The following SERPINB12 variants were observed in gnomAD, a reference collection of about 807,000 sequenced individuals.
The protein encoded by SERPINB12 is serpin family B member 12.
A neutral mutation model predicts 41.1 loss-of-function variants in SERPINB12; 57 were observed. That is an observed-to-expected ratio of 1.39 (90% CI 1.12 to 1.73). SERPINB12 has a LOEUF of 1.73. Among genes scored for constraint, SERPINB12 ranks in the 40% most tolerant of loss-of-function variants. The pLI is 0.00. For synonymous variants in SERPINB12, 180 were observed against 181.3 expected (o/e 0.99, Z 0.06); for missense variants, 536 against 501.9 (o/e 1.07, Z -0.65).
At position 63,567,563 on chromosome 18, in the gene SERPINB12, C is replaced by T. The variant is rs144314937; in HGVS notation, c.*552C>T. ...GAAGATGTCCTGTGAGGTCTTTTCA[C>T]CTAGGACAAGGCAGGGCTTGGGCGT... On this transcript the variant is annotated 3_prime_UTR_variant, in exon 8 of 8. Coordinates refer to ENST00000382768, the MANE Select transcript of SERPINB12 (RefSeq NM_001307928.2). 4.4e-3 allele frequency among the ~76,000 whole-genome samples: 665 copies of T among 152,284 alleles called. 5 individuals carry two copies. The highest frequency in any genetic ancestry group is 0.015 in the African/African-American group (637 of 41,558).
the SERPINB12 span, among the ~76,000 whole-genome samples, chr18:63,524,123 CT>C: frequency 7.4e-5 from 11 of 148,744 alleles, no homozygotes; most frequent in Admixed American, 1.3e-4. Flanking sequence ...AAAAGAAAAA[CT>C]TTTTTTTTTG....
chr18:63,528,100 A>G, the SERPINB12 span, among the ~76,000 whole-genome samples: 1 of 151,674 alleles, frequency 6.6e-6, no homozygotes, highest in African/African-American at 2.4e-5. Context: ...AGTCTATTAA[A>G]CCTCTTTTTC....
the SERPINB12 span, among the ~76,000 whole-genome samples, chr18:63,525,633 CAT>C: frequency 6.2e-3 from 951 of 152,202 alleles, 2 homozygotes; most frequent in Non-Finnish European, 9.5e-3. Flanking sequence ...ATTACTTTAA[CAT>C]TTCAAATTAC....
At chr18:63,520,017 C>T in the SERPINB12 span, among the ~76,000 whole-genome samples, 2 of 152,136 alleles carry the variant, frequency 1.3e-5, no homozygotes, top group Non-Finnish European at 2.9e-5. Flanking sequence ...ACAGGTACCC[C>T]ATGTGAAACG....
At chr18:63,540,037 T>A (rs1910243836), upstream of SERPINB12, among the ~76,000 whole-genome samples, 1 of 152,136 alleles carries the variant, frequency 6.6e-6, no homozygotes, top group African/African-American at 2.4e-5. Flanking sequence ...CTAAGAATAC[T>A]GAGAAAATTA....
the SERPINB12 span, among the ~76,000 whole-genome samples, chr18:63,532,357 GT>G: frequency 6.6e-6 from 1 of 152,164 alleles, no homozygotes; most frequent in African/African-American, 2.4e-5. Context: ...GGCCACGTAG[GT>G]TATAGTAAGT....
the SERPINB12 span, among the ~76,000 whole-genome samples, chr18:63,530,913 C>G: frequency 6.6e-6 from 1 of 152,176 alleles, no homozygotes; most frequent in South Asian, 2.1e-4. Context: ...TAATAAACAC[C>G]TACTGACCAG....
At chr18:63,558,603 C>A in intron 3 of SERPINB12, 117 bp downstream of exon 3, 10 of 1,087,786 alleles carry the variant, frequency 9.2e-6, no homozygotes, top group Non-Finnish European at 1.3e-5. Flanking sequence ...ATACCATCAA[C>A]AGCAATAACC....
intron 1 of SERPINB12, among the ~76,000 whole-genome samples, chr18:63,554,936 A>G (rs1910627109): frequency 6.6e-6 from 1 of 152,120 alleles, no homozygotes; most frequent in South Asian, 2.1e-4. Context: ...TGATGGTTTT[A>G]TAAGTGTTTG....
chr18:63,552,353 ATTAATC>A (rs1282746695), intron 1 of SERPINB12, among the ~76,000 whole-genome samples: 1 of 152,224 alleles, frequency 6.6e-6, no homozygotes, highest in Non-Finnish European at 1.5e-5. Context: ...GAACAAGACA[ATTAATC>A]TTAAATTTCT....
chr18:63,565,381 G>T (rs1911060732), intron 6 of SERPINB12, 64 bp from the exon 7 acceptor site: 1 of 1,470,894 alleles, frequency 6.8e-7, no homozygotes, highest in South Asian at 1.3e-5. Context: ...CCGTGAAGCT[G>T]GGGCCATATG....
chr18:63,566,713 G>A lies in SERPINB12; in HGVS notation c.980G>A (p.Ser327Asn). The A allele has an allele frequency of 1.9e-5, 31 of 1,614,196 alleles. No individual in the cohort carries two copies. Among genetic ancestry groups the A allele is most frequent in the Non-Finnish European group, 2.5e-5 (30 of 1,180,026 alleles). ...TTCCCCCGGTTCACCCTGGAAGACAGCTATGATCTCAATTCCATTTTACAA... is the reference window on the plus strand; with the variant it reads ...TTCCCCCGGTTCACCCTGGAAGACAACTATGATCTCAATTCCATTTTACAA... ...LSFPRFTLEDSYDLNSILQDM... is the reference protein window; with the variant it reads ...LSFPRFTLEDNYDLNSILQDM... Residue 327 changes from serine (S) to asparagine (N), a missense_variant, in exon 8 of 8, where the codon AGC becomes AAC. Coordinates refer to ENST00000382768, the MANE Select transcript of SERPINB12 (RefSeq NM_001307928.2).
At chr18:63,529,983 A>G in the SERPINB12 span, among the ~76,000 whole-genome samples, 3 of 152,198 alleles carry the variant, frequency 2.0e-5, no homozygotes, top group African/African-American at 4.8e-5. Flanking sequence ...AATCATTGTG[A>G]TTACTAGAAT....
chr18:63,556,963 A>G (rs1196310516), intron 2 of SERPINB12, among the ~76,000 whole-genome samples: 1 of 152,194 alleles, frequency 6.6e-6, no homozygotes, highest in Non-Finnish European at 1.5e-5. Flanking sequence ...ACAGCAGTCC[A>G]AGAGACCCTT....
At chr18:63,555,525 C>A (rs1910644637) in intron 1 of SERPINB12, among the ~76,000 whole-genome samples, 1 of 152,168 alleles carries the variant, frequency 6.6e-6, no homozygotes, top group African/African-American at 2.4e-5. Context: ...AAGTCCTAAT[C>A]CTTCTACCTG....
At chr18:63,565,661 T>C in intron 7 of SERPINB12, 49 bp downstream of exon 7, 1 of 1,534,518 alleles carries the variant, frequency 6.5e-7, no homozygotes, top group Non-Finnish European at 8.9e-7. Context: ...GATAGATCTT[T>C]AGAGAACAAC....
upstream of SERPINB12, among the ~76,000 whole-genome samples, chr18:63,539,423 CA>C (rs1910232341): frequency 1.3e-5 from 2 of 152,172 alleles, no homozygotes; most frequent in African/African-American, 4.8e-5. Context: ...GGAGGTGCTG[CA>C]TGTCCCAGTG....
intron 5 of SERPINB12, 138 bp from the exon 6 acceptor site, chr18:63,563,840 G>C (rs1910995950): frequency 1.4e-6 from 1 of 712,450 alleles, no homozygotes; most frequent in Non-Finnish European, 2.2e-6. Context: ...AGGTTGCAGT[G>C]AGCAGGGATC....
chr18:63,533,905 A>ATAGT, the SERPINB12 span, among the ~76,000 whole-genome samples: 119,280 of 151,560 alleles, frequency 0.79, 47,010 homozygotes, highest in Non-Finnish European at 0.82. Context: ...AGAAATAGGC[A>ATAGT]TAAAGAGAAT....
Sources: allele counts gnomAD v4.1 joint callset (sites outside exome capture counted in the v4.1 genomes callset), GRCh38; gene constraint gnomAD v4.1.1; transcripts MANE v1.5; gene names NCBI Gene and HGNC (gene_info 2026-07-23, HGNC 2026-07-21).